The following CYP24A1 variants were observed in gnomAD, a reference collection of about 807,000 sequenced individuals.
CYP24A1 encodes cytochrome P450 family 24 subfamily A member 1, also known as 1,25-dihydroxyvitamin D(3) 24-hydroxylase, mitochondrial.
CYP24A1 carries 68 observed loss-of-function variants against 62.4 expected under a neutral mutation model. The ratio of observed to expected loss-of-function variants is 1.09; its 90% CI spans 0.90 to 1.33. The LOEUF (loss-of-function observed/expected upper bound fraction) is 1.33, where lower values mean the gene tolerates loss of function less well. CYP24A1 is among the 40% of genes most tolerant of loss of function. The pLI is 0.00. For missense variants in CYP24A1, 787 were observed against 653.0 expected (o/e 1.21, Z -2.24); for synonymous variants, 267 against 253.0 (o/e 1.06, Z -0.52).
intron 11 of CYP24A1, among the ~76,000 whole-genome samples, chr20:54,156,786 G>C (rs2146461146): frequency 6.6e-6 from 1 of 152,330 alleles, no homozygotes; most frequent in East Asian, 1.9e-4. Flanking sequence ...GTAGTATTAA[G>C]AGGATGTGAC....
rs2092670068 is a variant in CYP24A1 at position 54,165,836 on chromosome 20, G to A, written c.641-3C>T. The A allele has an allele frequency of 7.7e-7, 1 of 1,297,628 alleles. No homozygotes were observed. Among genetic ancestry groups the A allele is most frequent in the Admixed American group, 1.7e-5 (1 of 59,662 alleles). 80.4% of individuals were successfully genotyped at this position (1,297,628 alleles called of 1,614,324 possible). A position where few individuals can be genotyped will look rare whatever the true frequency, so the allele number is the denominator to read the frequency against. The stretch of plus-strand genomic sequence containing the variant: ...CTCATACAACACGAGGCAGATACCT[G>A]TCATTTAAAATAATCATCACTTTAC... On this transcript the variant is annotated splice_region_variant and splice_polypyrimidine_tract_variant and intron_variant, in intron 4 of 11. Coordinates refer to ENST00000216862, the MANE Select transcript of CYP24A1 (RefSeq NM_000782.5).
chr20:54,162,230 T>TC (rs1371701011), intron 7 of CYP24A1, among the ~76,000 whole-genome samples: 1 of 54,976 alleles, frequency 1.8e-5, no homozygotes, highest in Non-Finnish European at 4.8e-5. Flanking sequence ...CTTTTTTTTT[T>TC]TTTTTTTTTT....
At chr20:54,172,673 G>C (rs2092697941) in intron 2 of CYP24A1, 9 of 895,036 alleles carry the variant, frequency 1.0e-5, no homozygotes, top group Non-Finnish European at 1.1e-5. Flanking sequence ...GTGTGGCCCT[G>C]CCCTGTTGCC....
At chr20:54,167,598 C>T (rs1216919604) in intron 4 of CYP24A1, among the ~76,000 whole-genome samples, 1 of 151,990 alleles carries the variant, frequency 6.6e-6, no homozygotes. Flanking sequence ...ATGGTGAAAC[C>T]CCATCTGTAC....
At chr20:54,149,551 T>A (rs376351912), downstream of CYP24A1, among the ~76,000 whole-genome samples, 1 of 151,766 alleles carries the variant, frequency 6.6e-6, no homozygotes, top group African/African-American at 2.4e-5. Flanking sequence ...GAAAAAAAAA[T>A]GAAGGAGGAA....
chr20:54,171,524 C>G, intron 3 of CYP24A1, 53 bp downstream of exon 3: 1 of 1,613,476 alleles, frequency 6.2e-7, no homozygotes, highest in Non-Finnish European at 8.5e-7. Context: ...GAAGCTCCAC[C>G]AATATCCCTA....
At chr20:54,152,259 C>T (rs992378044), downstream of CYP24A1, among the ~76,000 whole-genome samples, 1 of 152,216 alleles carries the variant, frequency 6.6e-6, no homozygotes, top group Non-Finnish European at 1.5e-5. Flanking sequence ...GTTTATACCC[C>T]AAGGTGCAGC....
rs114499105 is a variant in CYP24A1, at chr20:54,157,124, A to T, written c.*10+45T>A. The T allele has an allele frequency of 1.5e-4, 145 of 948,124 alleles. No individual in the cohort carries two copies. In the African/African-American group the frequency reaches 2.1e-3, roughly 13 times the overall value. The allele number at this position is 948,124 out of a possible 1,614,324, so 58.7% of individuals were successfully genotyped here. A position where few individuals can be genotyped will look rare whatever the true frequency, so the allele number is the denominator to read the frequency against. Reference sequence around the variant, plus strand: ...TTCCCAGCATAGCTCATCCCTCGTCATTCTCACTACCTTGCAGAGGATAAT... The same window carrying T: ...TTCCCAGCATAGCTCATCCCTCGTCTTTCTCACTACCTTGCAGAGGATAAT... On this transcript the variant is annotated intron_variant, in intron 11 of 11. Transcript: ENST00000216862.
chr20:54,162,830 AC>A lies in CYP24A1; in HGVS notation c.876del (p.Lys292AsnfsTer44). On this transcript the variant is annotated frameshift_variant, in exon 7 of 12. Coordinates refer to ENST00000216862, the MANE Select transcript of CYP24A1 (RefSeq NM_000782.5). LOFTEE classifies it high-confidence loss of function. ...AAATCTGCACTAGGCTGCTGAGAAT[AC>A]TTCTCTAACCGGTTGTCGATACAAG... is the stretch of plus-strand genomic sequence containing the variant. Reference protein sequence around the residue: ...VKACIDNRLEKYSQQPSADFL... With the variant: ...VKACIDNRLEXYSQQPSADFL... 6.4e-7 allele frequency: 1 copy of A among 1,567,608 alleles called. No homozygotes were observed. The highest frequency in any genetic ancestry group is 8.8e-7 in the Non-Finnish European group (1 of 1,137,698).
chr20:54,172,835 C>T (rs1002775978), intron 2 of CYP24A1, 74 bp downstream of exon 2: 168 of 1,607,678 alleles, frequency 1.0e-4, no homozygotes, highest in Non-Finnish European at 1.3e-4. Context: ...CTAACTCCGC[C>T]TCTTCACAAT....
At chr20:54,162,288 G>A (rs932119432) in intron 7 of CYP24A1, among the ~76,000 whole-genome samples, 2 of 138,260 alleles carry the variant, frequency 1.4e-5, no homozygotes, top group East Asian at 2.1e-4. Context: ...GGCACTTTGG[G>A]GTAACATGTG....
chr20:54,144,940 T>C, the CYP24A1 span, among the ~76,000 whole-genome samples: 10 of 152,170 alleles, frequency 6.6e-5, no homozygotes, highest in African/African-American at 1.9e-4. Flanking sequence ...TGTTATTTCA[T>C]TGGACCTGCC....
chr20:54,171,435 A>G, intron 3 of CYP24A1, 142 bp downstream of exon 3: 1 of 1,518,294 alleles, frequency 6.6e-7, no homozygotes. Flanking sequence ...GTAGGAAGGA[A>G]TGGAGAGAAA....
At chr20:54,144,907 C>A in the CYP24A1 span, among the ~76,000 whole-genome samples, 4 of 152,024 alleles carry the variant, frequency 2.6e-5, no homozygotes, top group Admixed American at 2.6e-4. Flanking sequence ...TGATGAAAGT[C>A]ATTCAGAAAT....
At chr20:54,150,327 A>G (rs2092610672), downstream of CYP24A1, among the ~76,000 whole-genome samples, 1 of 152,136 alleles carries the variant, frequency 6.6e-6, no homozygotes, top group South Asian at 2.1e-4. Context: ...TAGCAGGAAA[A>G]ATCCTAGATT....
rs1005798865 is a variant in CYP24A1, at chr20:54,162,559, G to A, written c.990+158C>T. 15 of 672,024 alleles carry A rather than the reference G, an allele frequency of 2.2e-5. No homozygotes were observed. The African/African-American group carries it at 2.4e-4, about 11-fold the overall frequency. The allele number at this position is 672,024 out of a possible 1,614,324, so 41.6% of individuals were successfully genotyped here. A position where few individuals can be genotyped will look rare whatever the true frequency, so the allele number is the denominator to read the frequency against. The stretch of plus-strand genomic sequence containing the variant: ...GCACCGTGGCATAGATGCTGTGCGC[G>A]GAGGCACCGTGGCATCTAGTATGAG... On this transcript the variant is annotated intron_variant, in intron 7 of 11. Transcript: ENST00000216862.
intron 6 of CYP24A1, 75 bp downstream of exon 6, chr20:54,164,377 C>T: frequency 6.2e-7 from 1 of 1,612,030 alleles, no homozygotes; most frequent in Non-Finnish European, 8.5e-7. Flanking sequence ...GAGATCACTC[C>T]AGACCTCCTC....
At position 54,173,402 on chromosome 20, in the gene CYP24A1, C is replaced by T; in HGVS notation, c.178G>A (p.Gly60Ser). The part of the protein sequence containing the change: ...GETQNAAALP[G>S]PTSWPLLGSL... ...CCCAGCAGTGGCCAGCTGGTGGGGC[C>T]CGGCAGGGCGGCCGCGTTCTGAGTC... The change falls in exon 1 of 12, where the codon GGC (glycine) becomes AGC (serine). Residue 60 changes from glycine to serine, a missense_variant. By Grantham distance (56) the Gly-to-Ser change is moderately conservative. Transcript: ENST00000216862. The surrounding 1 kb of genome is among the most constrained non-coding windows in gnomAD (Gnocchi z 7.2). 6.3e-7 allele frequency: 1 copy of T among 1,583,914 alleles called. No individual in the cohort carries two copies. The highest frequency in any genetic ancestry group is 2.3e-5 in the East Asian group (1 of 43,380).
intron 4 of CYP24A1, among the ~76,000 whole-genome samples, chr20:54,168,846 T>TCTTCCCTCCTTC: frequency 2.3e-5 from 1 of 43,436 alleles, no homozygotes; most frequent in African/African-American, 9.3e-5. Flanking sequence ...CTCCCTCCCT[T>TCTTCCCTCCTTC]CTTCCTTCCT....
Sources: allele counts gnomAD v4.1 joint callset (sites outside exome capture counted in the v4.1 genomes callset), GRCh38; gene constraint gnomAD v4.1.1; non-coding constraint Gnocchi (gnomAD v3.1); transcripts MANE v1.5; gene names NCBI Gene and HGNC (gene_info 2026-07-23, HGNC 2026-07-21).